SUGCT: variants seen among roughly 807,000 people sequenced by gnomAD.
The protein encoded by SUGCT is succinyl-CoA:glutarate CoA-transferase.
Under a neutral mutation model 55.0 loss-of-function variants are expected in SUGCT, and 41 were observed. That is an observed-to-expected ratio of 0.74 (90% CI 0.58 to 0.97). The LOEUF is 0.97. Ranked by LOEUF, SUGCT falls within the 50% of genes least tolerant of loss-of-function variation. The pLI, the probability that SUGCT is intolerant of heterozygous loss-of-function variation, is 0.00. For missense variants in SUGCT, 568 were observed against 547.8 expected (o/e 1.04, Z -0.37); for synonymous variants, 187 against 200.4 (o/e 0.93, Z 0.56).
At chr7:40,542,399 T>C (rs1015915726) in intron 12 of SUGCT, among the ~76,000 whole-genome samples, 5 of 152,084 alleles carry the variant, frequency 3.3e-5, no homozygotes, top group African/African-American at 1.2e-4. Context: ...CCTCACACTT[T>C]TGAAAAACAG....
the SUGCT span, among the ~76,000 whole-genome samples, chr7:41,023,534 A>C: frequency 1.3e-5 from 2 of 152,200 alleles, no homozygotes; most frequent in Non-Finnish European, 2.9e-5. Flanking sequence ...GCAAGATAAC[A>C]ATCCTGAATC....
At chr7:40,878,127 T>C in the SUGCT span, among the ~76,000 whole-genome samples, 4 of 152,312 alleles carry the variant, frequency 2.6e-5, no homozygotes, top group East Asian at 7.7e-4. Context: ...GGAGTTAGGA[T>C]TGAATTTTAA....
At chr7:40,475,972 T>A (rs1332569716) in intron 11 of SUGCT, among the ~76,000 whole-genome samples, 1 of 152,108 alleles carries the variant, frequency 6.6e-6, no homozygotes, top group Non-Finnish European at 1.5e-5. Flanking sequence ...CCTCTTTTAC[T>A]GAGGTGGTAT....
intron 7 of SUGCT, among the ~76,000 whole-genome samples, chr7:40,273,240 C>T (rs190191680): frequency 1.1e-4 from 16 of 152,204 alleles, no homozygotes; most frequent in Admixed American, 7.9e-4. Context: ...ATAAGTTTAG[C>T]TACTATACCG....
intron 7 of SUGCT, among the ~76,000 whole-genome samples, chr7:40,268,233 C>G (rs919498566): frequency 6.6e-6 from 1 of 152,098 alleles, no homozygotes; most frequent in African/African-American, 2.4e-5. Flanking sequence ...ATAAAGAAAC[C>G]TCTTACCTAT....
At chr7:40,885,783 C>G in the SUGCT span, among the ~76,000 whole-genome samples, 1 of 152,138 alleles carries the variant, frequency 6.6e-6, no homozygotes, top group Non-Finnish European at 1.5e-5. Context: ...TAAAACACTT[C>G]CCTTCTCTAA....
rs180717710 is a variant in SUGCT, at chr7:40,358,764, A to G, written c.816+41909A>G. Among the ~76,000 whole-genome samples the G allele has an allele frequency of 2.7e-3, 404 of 147,008 alleles. 12 individuals carry two copies. In the South Asian group the frequency reaches 0.061, roughly 22 times the overall value. ...AACAACAACAACAACACTACTATTCATAGAAAATGACAGAATTTTCGACAA... is the reference window on the plus strand; with the variant it reads ...AACAACAACAACAACACTACTATTCGTAGAAAATGACAGAATTTTCGACAA... On this transcript the variant is annotated intron_variant, in intron 9 of 13. Coordinates refer to ENST00000335693, the MANE Select transcript of SUGCT (RefSeq NM_001193313.2).
At chr7:40,549,165 G>A (rs539855216) in intron 12 of SUGCT, among the ~76,000 whole-genome samples, 3 of 152,090 alleles carry the variant, frequency 2.0e-5, no homozygotes, top group Non-Finnish European at 2.9e-5. Flanking sequence ...TCTTAGTGAG[G>A]GTTTTGGCCT....
chr7:40,554,003 T>C (rs1225348203), intron 12 of SUGCT, among the ~76,000 whole-genome samples: 11 of 152,216 alleles, frequency 7.2e-5, no homozygotes, highest in Admixed American at 6.5e-4. Context: ...TTAAAAAGGC[T>C]AATGTGTGAA....
chr7:40,898,480 C>CGGGGGGGGGG, the SUGCT span, among the ~76,000 whole-genome samples: 19 of 5,718 alleles, frequency 3.3e-3, 6 homozygotes, highest in Non-Finnish European at 4.9e-3. Flanking sequence ...TCCGGGAGGT[C>CGGGGGGGGGG]GGGGGGGGGG....
rs1053244744 is a variant in SUGCT, at chr7:40,222,986, T to TTTCCTTTC, written c.485-14643_485-14642insTCTTCCTT. Among the ~76,000 whole-genome samples the TTTCCTTTC allele has an allele frequency of 3.7e-3, 350 of 94,048 alleles. 1 individual carries two copies. The highest frequency in any genetic ancestry group is 0.029 in the Middle Eastern group (4 of 140). 61.7% of individuals were successfully genotyped at this position (94,048 alleles called of 152,430 possible). A position where few individuals can be genotyped will look rare whatever the true frequency, so the allele number is the denominator to read the frequency against. ...CTTATTTTATTTTATTTTTCATTTC[T>TTTCCTTTC]TTCCTTCCTTCCTTCCTTCCTTCCT... On this transcript the variant is annotated intron_variant, in intron 6 of 13. Coordinates refer to ENST00000335693, the MANE Select transcript of SUGCT (RefSeq NM_001193313.2).
the SUGCT span, among the ~76,000 whole-genome samples, chr7:41,018,404 T>C: frequency 6.6e-6 from 1 of 152,180 alleles, no homozygotes; most frequent in Admixed American, 6.5e-5. Context: ...AAGTCAGACT[T>C]AGCAAAATGG....
In SUGCT at chr7:40,196,164, GCA is replaced by G. The variant is rs375944110; in HGVS notation, c.484+1105_484+1106del. ...CCTTGCCAGTGAACCTCTTATATAT[GCA>G]TGTATGTGTATGTTTAGGCTAAAGG... On this transcript the variant is annotated intron_variant, in intron 6 of 13. Transcript: ENST00000335693. 3.9e-3 allele frequency among the ~76,000 whole-genome samples: 599 copies of G among 152,206 alleles called. 4 individuals carry two copies. The highest frequency in any genetic ancestry group is 0.014 in the African/African-American group (577 of 41,504).
the SUGCT span, among the ~76,000 whole-genome samples, chr7:40,883,250 C>CAG: frequency 6.6e-6 from 1 of 152,330 alleles, no homozygotes; most frequent in East Asian, 1.9e-4. Flanking sequence ...GAATAAAAAA[C>CAG]AGCTTGCCTC....
intron 12 of SUGCT, among the ~76,000 whole-genome samples, chr7:40,683,321 G>A (rs17528214): frequency 0.21 from 31,198 of 152,000 alleles, 3,332 homozygotes; most frequent in Non-Finnish European, 0.23. Context: ...TGCAAATGTC[G>A]CTTCTCAGAG....
At chr7:40,547,321 C>T (rs1399636704) in intron 12 of SUGCT, among the ~76,000 whole-genome samples, 1 of 152,336 alleles carries the variant, frequency 6.6e-6, no homozygotes, top group East Asian at 1.9e-4. Flanking sequence ...CAACAACAAA[C>T]TCACAGGCAC....
chr7:40,187,016 C>A (rs1332918142), intron 3 of SUGCT, among the ~76,000 whole-genome samples: 1 of 152,116 alleles, frequency 6.6e-6, no homozygotes, highest in Non-Finnish European at 1.5e-5. Context: ...TTCACAATAG[C>A]AAAGACTTGG....
chr7:40,585,272 A>G (rs1797315133), intron 12 of SUGCT, among the ~76,000 whole-genome samples: 1 of 152,222 alleles, frequency 6.6e-6, no homozygotes, highest in Non-Finnish European at 1.5e-5. Flanking sequence ...TGGGTGATAT[A>G]GTATCTGGAT....
chr7:40,713,678 T>TG (rs1785851637), intron 12 of SUGCT, among the ~76,000 whole-genome samples: 1 of 152,216 alleles, frequency 6.6e-6, no homozygotes, highest in Non-Finnish European at 1.5e-5. Flanking sequence ...ATCTTCATAT[T>TG]CTGTAGCATG....
Sources: gnomAD v4.1 joint callset for allele counts (sites outside exome capture counted in the v4.1 genomes callset) on GRCh38, gnomAD v4.1.1 for gene constraint, MANE v1.5 for transcripts, NCBI Gene and HGNC (gene_info 2026-07-23, HGNC 2026-07-21) for gene names.